GUCY1A2: variants seen among roughly 807,000 people sequenced by gnomAD.
GUCY1A2 encodes the protein guanylate cyclase soluble subunit alpha-2.
GUCY1A2 carries 27 observed loss-of-function variants against 63.5 expected under a neutral mutation model. The ratio of observed to expected loss-of-function variants is 0.43; its 90% confidence interval spans 0.31 to 0.59. The LOEUF is 0.59. GUCY1A2 is among the 20% of genes least tolerant of loss of function. The probability of loss-of-function intolerance (pLI) is 0.11; values close to 1 mark genes in which losing one functional copy is unlikely to be tolerated. For synonymous variants in GUCY1A2, 364 were observed against 343.5 expected (o/e 1.06, Z -0.66); for missense variants, 768 against 913.3 (o/e 0.84, Z 2.05).
rs180996426 is a variant in GUCY1A2, at chr11:106,675,182, G to T, written c.*12367C>A. 5.0e-3 allele frequency: 1,033 copies of T among 204,780 alleles called. 13 individuals are homozygous for T. The highest frequency in any genetic ancestry group is 0.022 in the African/African-American group (966 of 43,624). 12.7% of individuals were successfully genotyped at this position (204,780 alleles called of 1,614,324 possible). ...AGTATTTTAAAAGCATAATGAGACA[G>T]TTTTGTCACTTAATTACCGAAGTTA... On this transcript the variant is annotated 3_prime_UTR_variant, in exon 8 of 8. Coordinates refer to ENST00000526355, the MANE Select transcript of GUCY1A2 (RefSeq NM_000855.3).
At chr11:106,795,613 C>A (rs1864743709) in intron 5 of GUCY1A2, among the ~76,000 whole-genome samples, 2 of 152,090 alleles carry the variant, frequency 1.3e-5, no homozygotes, top group Non-Finnish European at 2.9e-5. Flanking sequence ...TTTGTTTCAA[C>A]TGATTTATCT....
At chr11:106,925,579 T>TA (rs1408426008) in intron 4 of GUCY1A2, among the ~76,000 whole-genome samples, 2 of 152,196 alleles carry the variant, frequency 1.3e-5, no homozygotes, top group Non-Finnish European at 2.9e-5. Context: ...GCAAGACAAA[T>TA]ACAATGATTT....
At chr11:106,934,651 A>T (rs1158601601) in intron 4 of GUCY1A2, among the ~76,000 whole-genome samples, 1 of 152,192 alleles carries the variant, frequency 6.6e-6, no homozygotes, top group Non-Finnish European at 1.5e-5. Flanking sequence ...CTAATTAATA[A>T]GACAAATGAG....
intron 7 of GUCY1A2, among the ~76,000 whole-genome samples, chr11:106,706,071 A>T (rs12294526): frequency 1.3e-5 from 2 of 152,236 alleles, no homozygotes; most frequent in Non-Finnish European, 2.9e-5. Flanking sequence ...AAATATTTTT[A>T]AAATTCAATT....
chr11:106,769,740 C>G (rs1007500540), intron 6 of GUCY1A2, among the ~76,000 whole-genome samples: 2 of 151,960 alleles, frequency 1.3e-5, no homozygotes, highest in Admixed American at 1.3e-4. Flanking sequence ...AGATTAAAAG[C>G]AAATTTAAAT....
rs5794491 is a variant in GUCY1A2, at chr11:106,744,244, C to CTT, written c.1836+32193_1836+32194dup. ...GTCTCATCAATCATCAACATAAATG[C>CTT]TTTTTTTTTTTTTTTTTTTTGAGAC... On this transcript the variant is annotated intron_variant, in intron 6 of 7. Transcript: ENST00000526355. Among the ~76,000 whole-genome samples the CTT allele has an allele frequency of 3.4e-3, 387 of 112,656 alleles. 7 individuals are homozygous for CTT. Among genetic ancestry groups the CTT allele is most frequent in the African/African-American group, 8.3e-3 (222 of 26,888 alleles). The allele number at this position is 112,656 out of a possible 152,430, so 73.9% of individuals were successfully genotyped here.
At chr11:106,716,651 C>T (rs1863219347) in intron 6 of GUCY1A2, among the ~76,000 whole-genome samples, 1 of 151,450 alleles carries the variant, frequency 6.6e-6, no homozygotes, top group Non-Finnish European at 1.5e-5. Context: ...CACCTGTAGT[C>T]CCAGCTACTC....
chr11:106,819,799 A>C (rs1031498534), intron 4 of GUCY1A2, among the ~76,000 whole-genome samples: 2 of 152,158 alleles, frequency 1.3e-5, no homozygotes, highest in African/African-American at 4.8e-5. Context: ...AATACCATTC[A>C]GCCTTACAAA....
At chr11:106,902,292 C>A (rs1238967566) in intron 4 of GUCY1A2, among the ~76,000 whole-genome samples, 3 of 152,184 alleles carry the variant, frequency 2.0e-5, no homozygotes, top group Non-Finnish European at 4.4e-5. Context: ...GATGTGCTGT[C>A]ATCAAGGCTT....
At chr11:106,688,936 A>G (rs61903149) in intron 7 of GUCY1A2, among the ~76,000 whole-genome samples, 14,491 of 152,210 alleles carry the variant, frequency 0.095, 912 homozygotes, top group Non-Finnish European at 0.14. Flanking sequence ...GTAGGTTAGG[A>G]AAAAGTTTTA....
At chr11:106,991,052 C>G (rs1325726605) in intron 1 of GUCY1A2, among the ~76,000 whole-genome samples, 2 of 152,118 alleles carry the variant, frequency 1.3e-5, no homozygotes, top group African/African-American at 4.8e-5. Flanking sequence ...TGCAATGGTG[C>G]AATCTCAGCT....
chr11:107,004,537 A>G (rs1219907884), intron 1 of GUCY1A2, among the ~76,000 whole-genome samples: 2 of 152,076 alleles, frequency 1.3e-5, no homozygotes, highest in Admixed American at 6.6e-5. Flanking sequence ...TAAAGACCCT[A>G]CCTCTAGCTA....
chr11:106,990,615 C>T (rs185205612), intron 1 of GUCY1A2, among the ~76,000 whole-genome samples: 11 of 152,302 alleles, frequency 7.2e-5, no homozygotes, highest in African/African-American at 2.4e-4. Flanking sequence ...GCACGCGCAG[C>T]GTGAAACACA....
intron 2 of GUCY1A2, among the ~76,000 whole-genome samples, chr11:106,983,156 G>A (rs1056271026): frequency 3.9e-4 from 59 of 152,088 alleles, no homozygotes; most frequent in Admixed American, 3.7e-3. Flanking sequence ...ACATATTGGC[G>A]GACAAAAGTA....
chr11:106,980,202 A>G (rs1246416667), intron 2 of GUCY1A2, among the ~76,000 whole-genome samples: 1 of 152,198 alleles, frequency 6.6e-6, no homozygotes, highest in African/African-American at 2.4e-5. Context: ...TGAATTTCCC[A>G]TGGGTTAGGG....
At chr11:106,713,547 C>T (rs1269388893) in intron 6 of GUCY1A2, among the ~76,000 whole-genome samples, 1 of 124,714 alleles carries the variant, frequency 8.0e-6, no homozygotes, top group African/African-American at 3.1e-5. Context: ...CGTCCTGTTG[C>T]CCAGGCTGGA....
At chr11:106,971,936 A>G (rs186831714) in intron 3 of GUCY1A2, among the ~76,000 whole-genome samples, 28 of 152,242 alleles carry the variant, frequency 1.8e-4, no homozygotes, top group Admixed American at 1.8e-3. Context: ...GAAGTGCTCA[A>G]AACACACTAT....
At chr11:106,885,018 A>G (rs7111952) in intron 4 of GUCY1A2, among the ~76,000 whole-genome samples, 105,486 of 152,004 alleles carry the variant, frequency 0.69, 37,145 homozygotes, top group Non-Finnish European at 0.76. Flanking sequence ...ACTCCCAACG[A>G]TAAGAGGCTA....
chr11:107,007,548 T>C (rs533537980), intron 1 of GUCY1A2, among the ~76,000 whole-genome samples: 1 of 152,196 alleles, frequency 6.6e-6, no homozygotes, highest in African/African-American at 2.4e-5. Context: ...CATTGCTTTA[T>C]ACCTCTGCAT....
Sources: allele counts gnomAD v4.1 joint callset (sites outside exome capture counted in the v4.1 genomes callset), GRCh38; gene constraint gnomAD v4.1.1; transcripts MANE v1.5; gene names NCBI Gene and HGNC (gene_info 2026-07-23, HGNC 2026-07-21).